The following RELN variants were observed in gnomAD, a reference collection of about 807,000 sequenced individuals.
RELN encodes reelin.
RELN carries 108 observed loss-of-function variants against 427.6 expected under a neutral mutation model. The ratio of observed to expected loss-of-function variants is 0.25; its 90% CI spans 0.22 to 0.30. RELN has a LOEUF of 0.30. Among genes scored for constraint, RELN ranks in the 10% least tolerant of loss-of-function variants. RELN has a pLI of 1.00. For synonymous variants in RELN, 1,524 were observed against 1,513.4 expected (o/e 1.01, Z -0.16); for missense variants, 3,715 against 4,302.8 (o/e 0.86, Z 3.82).
intron 3 of RELN, among the ~76,000 whole-genome samples, chr7:103,805,713 T>C (rs1451059984): frequency 6.6e-6 from 1 of 152,222 alleles, no homozygotes; most frequent in Non-Finnish European, 1.5e-5. Flanking sequence ...TTTTTACTTA[T>C]CAAAATGTGC....
chr7:103,603,300 A>G lies in RELN; in HGVS notation c.3333+4T>C, dbSNP rs754465666. On this transcript the variant is annotated splice_donor_region_variant and intron_variant, in intron 24 of 64. Coordinates refer to ENST00000428762, the MANE Select transcript of RELN (RefSeq NM_005045.4). The surrounding 1 kb of genome is among the most constrained non-coding windows in gnomAD (Gnocchi z 4.3). ...CGATGACTTATCCCAGCTGTTGGTC[A>G]TACCTTGCTGAAGTACAGAGATGAT... 9 of 1,612,712 alleles carry G rather than the reference A, an allele frequency of 5.6e-6. No individual in the cohort carries two copies. The highest frequency in any genetic ancestry group is 8.5e-7 in the Non-Finnish European group (1 of 1,178,866).
chr7:103,565,591 C>A (rs769741216), intron 33 of RELN, 40 bp from the exon 34 acceptor site: 286 of 1,596,120 alleles, frequency 1.8e-4, no homozygotes, highest in Non-Finnish European at 2.4e-4. Context: ...TATATGTGTG[C>A]CATTTTCTTA....
rs1331675393 is a variant in RELN at position 103,712,250 on chromosome 7, T to G, written c.805+10890A>C. 2.0e-5 allele frequency among the ~76,000 whole-genome samples: 3 copies of G among 151,092 alleles called. No individual in the cohort carries two copies. In the East Asian group the frequency reaches 5.9e-4, roughly 30 times the overall value. ...AGTAGCCTATTTACCGTAATATACA[T>G]GTAATGCATACAGAGCCAGGAAGTT... On this transcript the variant is annotated intron_variant, in intron 8 of 64. Transcript: ENST00000428762.
chr7:103,594,324 A>G lies in RELN; in HGVS notation c.3708T>C (p.Pro1236=). 6.2e-7 allele frequency: 1 copy of G among 1,613,502 alleles called. No homozygotes were observed. The highest frequency in any genetic ancestry group is 8.5e-7 in the Non-Finnish European group (1 of 1,179,482). ...QIIPVINPTL[P]QNFYEKPAFD... ...GAGTTCAGACATAGGAGAATACCTG[A>G]GGTAAAGTTGGATTGATAACTGGGA... The change falls in exon 26 of 65, where the codon CCT becomes CCC. Residue 1236 remains proline (P), a synonymous_variant. Coordinates refer to ENST00000428762, the MANE Select transcript of RELN (RefSeq NM_005045.4).
At position 103,989,382 on chromosome 7, in the gene RELN, C is replaced by T; in HGVS notation, c.-26G>A. 7.0e-7 allele frequency: 1 copy of T among 1,430,340 alleles called. No individual in the cohort carries two copies. The highest frequency in any genetic ancestry group is 9.1e-7 in the Non-Finnish European group (1 of 1,104,268). The allele number at this position is 1,430,340 out of a possible 1,614,324, so 88.6% of individuals were successfully genotyped here. On this transcript the variant is annotated 5_prime_UTR_variant, in exon 1 of 65. Coordinates refer to ENST00000428762, the MANE Select transcript of RELN (RefSeq NM_005045.4). The surrounding 1 kb of genome is among the most constrained non-coding windows in gnomAD (Gnocchi z 4.9). ...GCCGCCGCCGCCGCCGCCGCCGCCG[C>T]GCGCCCTACGCGCCGCTCGCTCATT...
Position 103,603,472 on chromosome 7 carries a change from T to C in RELN, c.3165A>G (p.Gln1055=). The change falls in exon 24 of 65, where the codon CAA becomes CAG. Residue 1055 remains glutamine (Q), a synonymous_variant. Coordinates refer to ENST00000428762, the MANE Select transcript of RELN (RefSeq NM_005045.4). The surrounding 1 kb of genome is among the most constrained non-coding windows in gnomAD (Gnocchi z 4.3). ...CAGCTTCTGGGTGGCATTCAGTGCCTTGGTACCCCTGGTCACACCTATGAG... is the reference window on the plus strand; with the variant it reads ...CAGCTTCTGGGTGGCATTCAGTGCCCTGGTACCCCTGGTCACACCTATGAG... ...HGICRCDQGY[Q]GTECHPEAAL... 6.2e-7 allele frequency: 1 copy of C among 1,613,838 alleles called. No individual in the cohort carries two copies. Among genetic ancestry groups the C allele is most frequent in the Non-Finnish European group, 8.5e-7 (1 of 1,179,806 alleles).
intron 34 of RELN, 98 bp from the exon 35 acceptor site, chr7:103,562,051 G>A: frequency 7.0e-7 from 1 of 1,418,910 alleles, no homozygotes; most frequent in South Asian, 1.2e-5. Flanking sequence ...TCTTTAAAGT[G>A]CCTTCCTCCA....
intron 20 of RELN, among the ~76,000 whole-genome samples, chr7:103,622,671 T>C (rs934646194): frequency 3.3e-5 from 5 of 152,074 alleles, no homozygotes; most frequent in Non-Finnish European, 7.3e-5. Flanking sequence ...AGTTGTTTCT[T>C]TCATTATTCT....
intron 2 of RELN, among the ~76,000 whole-genome samples, chr7:103,883,205 G>A (rs952818205): frequency 5.9e-5 from 9 of 152,038 alleles, no homozygotes; most frequent in Non-Finnish European, 1.2e-4. Context: ...ATCTCAATAG[G>A]TGCAGAAAAG....
intron 16 of RELN, among the ~76,000 whole-genome samples, chr7:103,649,337 T>C (rs1020281774): frequency 1.2e-4 from 18 of 152,004 alleles, no homozygotes; most frequent in Non-Finnish European, 2.2e-4. Context: ...ACTTAGAAAG[T>C]TGTAGACCAC....
rs188628495 is a variant in RELN at position 103,875,894 on chromosome 7, A to C, written c.337+41181T>G. Among the ~76,000 whole-genome samples the C allele has an allele frequency of 3.7e-4, 56 of 152,294 alleles. No individual in the cohort carries two copies. In the East Asian group the frequency reaches 9.5e-3, roughly 26 times the overall value. On this transcript the variant is annotated intron_variant, in intron 2 of 64. Transcript: ENST00000428762. ...AGTAAGATGATTCTGAAGAGATTCA[A>C]GAGGCTTAGGGCATAATTCATATTT...
intron 4 of RELN, among the ~76,000 whole-genome samples, chr7:103,754,052 A>G (rs551943349): frequency 1.3e-5 from 2 of 152,166 alleles, no homozygotes; most frequent in Admixed American, 6.5e-5. Context: ...TTAAGCAGGT[A>G]AGAAACACTG....
At chr7:103,847,779 T>A (rs1012744283) in intron 2 of RELN, among the ~76,000 whole-genome samples, 14 of 152,200 alleles carry the variant, frequency 9.2e-5, no homozygotes, top group African/African-American at 2.9e-4. Flanking sequence ...TAAAGCCTCC[T>A]CTTCTTTGAG....
In RELN at chr7:103,565,185, G is replaced by C. The variant is rs138939406; in HGVS notation, c.5210+93C>G. The C allele has an allele frequency of 2.3e-3, 3,389 of 1,464,194 alleles. 4 individuals are homozygous for C. The highest frequency in any genetic ancestry group is 2.7e-3 in the Non-Finnish European group (2,777 of 1,045,114). 90.7% of individuals were successfully genotyped at this position (1,464,194 alleles called of 1,614,324 possible). A position where few individuals can be genotyped will look rare whatever the true frequency, so the allele number is the denominator to read the frequency against. Reference sequence around the variant, plus strand: ...ACTTCCATGCATAATTATCATGAAAGAATAATAGAATCCCCAGGCCGAATC... The same window carrying C: ...ACTTCCATGCATAATTATCATGAAACAATAATAGAATCCCCAGGCCGAATC... On this transcript the variant is annotated intron_variant, in intron 34 of 64. Coordinates refer to ENST00000428762, the MANE Select transcript of RELN (RefSeq NM_005045.4).
intron 2 of RELN, among the ~76,000 whole-genome samples, chr7:103,847,163 C>A (rs1275534271): frequency 6.6e-6 from 1 of 152,132 alleles, no homozygotes; most frequent in Non-Finnish European, 1.5e-5. Flanking sequence ...AGCCTCGGAA[C>A]CAACCCAAAT....
chr7:103,877,486 A>T (rs1563066366), intron 2 of RELN, among the ~76,000 whole-genome samples: 1 of 152,052 alleles, frequency 6.6e-6, no homozygotes, highest in African/African-American at 2.4e-5. Flanking sequence ...TCTTAAGTAT[A>T]TGCACTTCTC....
intron 7 of RELN, 74 bp from the exon 8 acceptor site, chr7:103,723,265 C>G (rs147723957): frequency 3.5e-6 from 3 of 861,934 alleles, no homozygotes; most frequent in African/African-American, 3.3e-5. Flanking sequence ...GGGAGGGGTA[C>G]GGGGAGGGGA....
chr7:103,772,628 C>T (rs555402887), intron 4 of RELN, among the ~76,000 whole-genome samples: 1 of 152,112 alleles, frequency 6.6e-6, no homozygotes, highest in African/African-American at 2.4e-5. Context: ...GAGTGATACC[C>T]TAAGCAGGGT....
intron 1 of RELN, among the ~76,000 whole-genome samples, chr7:103,960,697 ATTGAT>A (rs991079427): frequency 2.6e-5 from 4 of 152,214 alleles, no homozygotes; most frequent in African/African-American, 4.8e-5. Context: ...TACATATTTC[ATTGAT>A]TTATTTGTGC....
Sources: allele counts gnomAD v4.1 joint callset (sites outside exome capture counted in the v4.1 genomes callset), GRCh38; gene constraint gnomAD v4.1.1; non-coding constraint Gnocchi (gnomAD v3.1); transcripts MANE v1.5; gene names NCBI Gene and HGNC (gene_info 2026-07-23, HGNC 2026-07-21).